The following IMMT variants were observed in gnomAD, a reference collection of about 807,000 sequenced individuals.
IMMT encodes the protein inner membrane mitochondrial protein, also known as MICOS complex subunit MIC60.
A neutral mutation model predicts 92.7 loss-of-function variants in IMMT; 40 were observed. That is an observed-to-expected ratio of 0.43 (90% CI 0.34 to 0.56). The LOEUF (loss-of-function observed/expected upper bound fraction) is 0.56. Among genes scored for constraint, IMMT ranks in the 20% least tolerant of loss-of-function variants. The pLI is 0.03. For missense variants in IMMT, 831 were observed against 912.1 expected (o/e 0.91, Z 1.14); for synonymous variants, 322 against 336.1 (o/e 0.96, Z 0.46).
At chr2:86,174,170 A>G (rs1474944249) in intron 3 of IMMT, among the ~76,000 whole-genome samples, 1 of 152,198 alleles carries the variant, frequency 6.6e-6, no homozygotes, top group Non-Finnish European at 1.5e-5. Flanking sequence ...GAGTGAAAAT[A>G]CAAATGAATT....
chr2:86,185,949 G>C (rs1672740919), intron 1 of IMMT, among the ~76,000 whole-genome samples: 2 of 152,078 alleles, frequency 1.3e-5, no homozygotes, highest in Non-Finnish European at 2.9e-5. Flanking sequence ...AGAAACATAG[G>C]GCCAGCTGAA....
chr2:86,168,421 G>A (rs1228092132), intron 6 of IMMT, among the ~76,000 whole-genome samples: 3 of 151,870 alleles, frequency 2.0e-5, no homozygotes, highest in Non-Finnish European at 4.4e-5. Flanking sequence ...TCAGGAGTTC[G>A]AGACCAGGCT....
intron 10 of IMMT, among the ~76,000 whole-genome samples, chr2:86,157,164 C>T (rs1227693457): frequency 6.6e-6 from 1 of 152,182 alleles, no homozygotes; most frequent in Non-Finnish European, 1.5e-5. Flanking sequence ...TGGTCCCAGA[C>T]TGAACTTTGT....
At chr2:86,147,534 A>G (rs1427232135) in intron 13 of IMMT, among the ~76,000 whole-genome samples, 168 bp downstream of exon 13, 2 of 152,222 alleles carry the variant, frequency 1.3e-5, no homozygotes. Flanking sequence ...TTAAAAACAC[A>G]TCTGATCATG....
rs762714231 is a variant in IMMT, at chr2:86,173,736, G to C, written c.335C>G (p.Ser112Cys). The C allele has an allele frequency of 5.6e-6, 9 of 1,597,782 alleles. No individual in the cohort carries two copies. Among genetic ancestry groups the C allele is most frequent in the Non-Finnish European group, 6.9e-6 (8 of 1,166,602 alleles). ...KSIQSGPLKI[S>C]SVSEVMKESK... ...TTCTTTCATTACTTCTGATACACTA[G>C]AGATTTTTAGTGGACCCGACTGAAT... The change falls in exon 4 of 15, where the codon TCT becomes TGT. Residue 112 changes from serine to cysteine, a missense_variant. Transcript: ENST00000410111.
At chr2:86,179,201 T>C (rs1255814073) in intron 3 of IMMT, among the ~76,000 whole-genome samples, 1 of 152,232 alleles carries the variant, frequency 6.6e-6, no homozygotes, top group East Asian at 1.9e-4. Context: ...TATTAGATAT[T>C]ACATCTAATC....
In IMMT at chr2:86,179,426, C is replaced by A; in HGVS notation, c.309+7G>T. On this transcript the variant is annotated splice_region_variant and intron_variant, in intron 3 of 14. Transcript: ENST00000410111. ...GGATAAACTGAAATATTGTTTAAAA[C>A]TCTTACCGATTTCTTTGGCAATGGA... 1 of 1,572,516 alleles carries A rather than the reference C, an allele frequency of 6.4e-7. No homozygotes were observed. The highest frequency in any genetic ancestry group is 2.0e-5 in the Admixed American group (1 of 50,020).
At chr2:86,155,706 T>A (rs1414476795) in intron 10 of IMMT, among the ~76,000 whole-genome samples, 3 of 152,274 alleles carry the variant, frequency 2.0e-5, no homozygotes, top group Non-Finnish European at 4.4e-5. Context: ...ACTTAAAGTA[T>A]AATAAAGAAA....
chr2:86,145,074 A>G (rs1170606958), intron 14 of IMMT, among the ~76,000 whole-genome samples, 193 bp from the exon 15 acceptor site: 1 of 152,170 alleles, frequency 6.6e-6, no homozygotes, highest in Non-Finnish European at 1.5e-5. Context: ...TCAAAGTCAG[A>G]AGTCATTCAC....
intron 1 of IMMT, among the ~76,000 whole-genome samples, chr2:86,188,183 G>C (rs1464997819): frequency 6.6e-6 from 1 of 151,890 alleles, no homozygotes; most frequent in South Asian, 2.1e-4. Context: ...GGGATTACAG[G>C]TGTGTACCAC....
intron 1 of IMMT, 194 bp downstream of exon 1, chr2:86,195,144 C>A: frequency 1.9e-6 from 1 of 526,982 alleles, no homozygotes; most frequent in East Asian, 3.3e-5. Context: ...CCCGCTGCTG[C>A]AATAACCTCA....
At chr2:86,162,198 T>C in intron 7 of IMMT, 119 bp from the exon 8 acceptor site, 4 of 616,122 alleles carry the variant, frequency 6.5e-6, no homozygotes, top group Non-Finnish European at 1.1e-5. Flanking sequence ...TTATATGCAA[T>C]GTTTCTCCAG....
chr2:86,187,654 T>TA (rs1305078226), intron 1 of IMMT, among the ~76,000 whole-genome samples: 2 of 152,162 alleles, frequency 1.3e-5, no homozygotes, highest in Non-Finnish European at 2.9e-5. Context: ...CTCACGCCTG[T>TA]AATCCCAGCA....
At position 86,144,235 on chromosome 2, in the gene IMMT, T is replaced by C. The variant is rs759091751; in HGVS notation, c.*33A>G. ...CTATCACTGCTGATTTCCTTTGACATGAAATATGACTTTATGAAAATCTTC... is the reference window on the plus strand; with the variant it reads ...CTATCACTGCTGATTTCCTTTGACACGAAATATGACTTTATGAAAATCTTC... On this transcript the variant is annotated 3_prime_UTR_variant, in exon 15 of 15. Coordinates refer to ENST00000410111, the MANE Select transcript of IMMT (RefSeq NM_006839.3). 5.0e-6 allele frequency: 8 copies of C among 1,607,298 alleles called. No individual in the cohort carries two copies. In the Admixed American group the frequency reaches 1.0e-4, roughly 20 times the overall value.
chr2:86,151,526 C>G lies in IMMT; in HGVS notation c.1178-6G>C, dbSNP rs749404233. ...ATCAGTAGAGAGCTTGTCAGCTAAG[C>G]AAAAGAGCATGTTAAAATATTAATG... On this transcript the variant is annotated splice_polypyrimidine_tract_variant and splice_region_variant and intron_variant, in intron 11 of 14. Coordinates refer to ENST00000410111, the MANE Select transcript of IMMT (RefSeq NM_006839.3). The G allele has an allele frequency of 6.3e-7, 1 of 1,595,502 alleles. No individual in the cohort carries two copies. Among genetic ancestry groups the G allele is most frequent in the Non-Finnish European group, 8.6e-7 (1 of 1,163,150 alleles).
chr2:86,195,130 C>G (rs956921357), intron 1 of IMMT: 1 of 504,952 alleles, frequency 2.0e-6, no homozygotes, highest in East Asian at 3.4e-5. Context: ...TCTCCACACC[C>G]CACCCCGCTG....
chr2:86,193,705 A>T (rs1673334450), intron 1 of IMMT, among the ~76,000 whole-genome samples: 2 of 152,244 alleles, frequency 1.3e-5, no homozygotes, highest in Non-Finnish European at 2.9e-5. Flanking sequence ...CTCATAAAGC[A>T]GCAATGTCAA....
chr2:86,177,017 G>A (rs1236001092), intron 3 of IMMT, among the ~76,000 whole-genome samples: 3 of 152,212 alleles, frequency 2.0e-5, no homozygotes, highest in Non-Finnish European at 4.4e-5. Context: ...TAGAAGACTA[G>A]TCAAAAACAT....
chr2:86,178,510 C>A (rs997617564), intron 3 of IMMT, among the ~76,000 whole-genome samples: 4 of 151,768 alleles, frequency 2.6e-5, no homozygotes, highest in African/African-American at 9.7e-5. Flanking sequence ...CCTATAATCC[C>A]AGCTACTTGG....
Sources: allele counts gnomAD v4.1 joint callset (sites outside exome capture counted in the v4.1 genomes callset), GRCh38; gene constraint gnomAD v4.1.1; transcripts MANE v1.5; gene names NCBI Gene and HGNC (gene_info 2026-07-23, HGNC 2026-07-21).